The following DPYD variants were observed in gnomAD, a reference collection of about 807,000 sequenced individuals.
The protein encoded by DPYD is dihydropyrimidine dehydrogenase.
A neutral mutation model predicts 116.2 loss-of-function variants in DPYD; 109 were observed. The ratio of observed to expected loss-of-function variants is 0.94; its 90% CI spans 0.80 to 1.10. The LOEUF (loss-of-function observed/expected upper bound fraction) is 1.10, where lower values mean the gene tolerates loss of function less well. DPYD is among the 50% of genes least tolerant of loss of function. The probability of loss-of-function intolerance (pLI) is 0.00; values close to 1 mark genes in which losing one functional copy is unlikely to be tolerated. For synonymous variants in DPYD, 440 were observed against 432.0 expected, an observed-to-expected ratio of 1.02 and a Z score of -0.23; for missense variants, 1,302 against 1,254.5, an observed-to-expected ratio of 1.04 and a Z score of -0.57.
In DPYD at chr1:97,305,389, C is replaced by T. The variant is rs377136032; in HGVS notation, c.2180-11G>A. 9.0e-5 allele frequency: 145 copies of T among 1,612,054 alleles called. No individual in the cohort carries two copies. In the African/African-American group the frequency reaches 1.9e-3, roughly 21 times the overall value. On this transcript the variant is annotated splice_polypyrimidine_tract_variant and intron_variant, in intron 17 of 22. Transcript: ENST00000370192. Reference sequence around the variant, plus strand: ...CGCCATTGGCACCACCTATGCAAGACACATCAACATTTTCATGCAGCTCTT... The same window carrying T: ...CGCCATTGGCACCACCTATGCAAGATACATCAACATTTTCATGCAGCTCTT...
chr1:97,140,975 C>CAAATGTAAG (rs1386962091), intron 20 of DPYD, among the ~76,000 whole-genome samples: 1 of 152,048 alleles, frequency 6.6e-6, no homozygotes, highest in Admixed American at 6.6e-5. Context: ...GACATGAAGC[C>CAAATGTAAG]AAATGTAAGT....
intron 1 of DPYD, among the ~76,000 whole-genome samples, chr1:97,885,425 T>G (rs1444017988): frequency 6.6e-6 from 1 of 152,072 alleles, no homozygotes; most frequent in Non-Finnish European, 1.5e-5. Flanking sequence ...ATATCTTAGC[T>G]GATTTTATAA....
intron 19 of DPYD, among the ~76,000 whole-genome samples, chr1:97,220,580 T>A (rs1253020486): frequency 1.3e-5 from 2 of 152,144 alleles, no homozygotes; most frequent in East Asian, 3.9e-4. Flanking sequence ...TGGGATATAG[T>A]GGGGCTCATT....
At chr1:97,134,506 AT>A in intron 20 of DPYD, among the ~76,000 whole-genome samples, 1 of 152,294 alleles carries the variant, frequency 6.6e-6, no homozygotes, top group Non-Finnish European at 1.5e-5. Flanking sequence ...AATAATAGTC[AT>A]GATTTCTTGC....
intron 2 of DPYD, among the ~76,000 whole-genome samples, chr1:97,874,936 T>G (rs1210511419): frequency 6.6e-6 from 1 of 151,948 alleles, no homozygotes; most frequent in Non-Finnish European, 1.5e-5. Flanking sequence ...TCAGATTAAC[T>G]ATAAAATGAA....
chr1:97,336,433 G>A, intron 16 of DPYD, among the ~76,000 whole-genome samples: 1 of 152,152 alleles, frequency 6.6e-6, no homozygotes, highest in East Asian at 1.9e-4. Flanking sequence ...ATGAATGGAT[G>A]TACTAACATA....
intron 20 of DPYD, among the ~76,000 whole-genome samples, chr1:97,102,388 C>CTA (rs1650759288): frequency 1.7e-5 from 1 of 58,740 alleles, no homozygotes; most frequent in Non-Finnish European, 3.5e-5. Flanking sequence ...GAATATATCA[C>CTA]TCAGTATCAT....
chr1:97,731,963 C>T (rs1663639740), intron 4 of DPYD, among the ~76,000 whole-genome samples: 1 of 151,884 alleles, frequency 6.6e-6, no homozygotes, highest in South Asian at 2.1e-4. Flanking sequence ...CTATACACAA[C>T]CACAAACAAT....
chr1:97,880,278 G>C (rs1672137910), intron 2 of DPYD, among the ~76,000 whole-genome samples: 1 of 151,758 alleles, frequency 6.6e-6, no homozygotes, highest in East Asian at 1.9e-4. Context: ...ATGTCAGTGA[G>C]GTAAGAAGAA....
chr1:97,791,989 CA>C (rs533412997), intron 3 of DPYD, among the ~76,000 whole-genome samples: 16 of 151,234 alleles, frequency 1.1e-4, no homozygotes, highest in South Asian at 2.1e-4. Flanking sequence ...AAACCAATTA[CA>C]AAAAAAAACT....
intron 14 of DPYD, among the ~76,000 whole-genome samples, chr1:97,417,324 T>C (rs564667133): frequency 6.6e-6 from 1 of 152,316 alleles, no homozygotes; most frequent in South Asian, 2.1e-4. Context: ...TCTATTGCTA[T>C]CTCTATCTCC....
intron 16 of DPYD, among the ~76,000 whole-genome samples, chr1:97,333,060 CTTTTT>C (rs10681575): frequency 1.5e-5 from 2 of 133,862 alleles, no homozygotes; most frequent in African/African-American, 5.6e-5. Flanking sequence ...ACTGCTAATT[CTTTTT>C]TTTTTTTTTT....
At chr1:97,227,924 A>G (rs2100720522) in intron 19 of DPYD, among the ~76,000 whole-genome samples, 1 of 152,174 alleles carries the variant, frequency 6.6e-6, no homozygotes, top group East Asian at 1.9e-4. Flanking sequence ...CAAAAATTTA[A>G]GCAAATGATG....
chr1:97,827,996 T>C (rs1386848277), intron 3 of DPYD, 118 bp downstream of exon 3: 3 of 1,010,792 alleles, frequency 3.0e-6, no homozygotes, highest in Non-Finnish European at 4.5e-6. Context: ...CACTGACAAA[T>C]TAATACCTTA....
At chr1:97,382,930 T>C (rs1672060011) in intron 14 of DPYD, among the ~76,000 whole-genome samples, 1 of 152,196 alleles carries the variant, frequency 6.6e-6, no homozygotes, top group African/African-American at 2.4e-5. Flanking sequence ...CTCACTATAG[T>C]ACACATAATA....
chr1:97,737,176 T>G (rs1016310531), intron 4 of DPYD, among the ~76,000 whole-genome samples: 1 of 150,824 alleles, frequency 6.6e-6, no homozygotes, highest in African/African-American at 2.5e-5. Flanking sequence ...ATAGAGGTTT[T>G]GTTTTGTTTT....
chr1:97,485,546 T>C (rs1025582609), intron 13 of DPYD, among the ~76,000 whole-genome samples: 37 of 152,188 alleles, frequency 2.4e-4, no homozygotes, highest in African/African-American at 8.7e-4. Context: ...TTCCATGTCA[T>C]TTAATATTTT....
chr1:97,815,861 G>A (rs1323830126), intron 3 of DPYD, among the ~76,000 whole-genome samples: 1 of 152,112 alleles, frequency 6.6e-6, no homozygotes, highest in African/African-American at 2.4e-5. Context: ...CTTTTGAAAA[G>A]ACTAGAGGAA....
chr1:97,421,272 T>A (rs934047196), intron 14 of DPYD, among the ~76,000 whole-genome samples: 11 of 152,148 alleles, frequency 7.2e-5, no homozygotes, highest in African/African-American at 2.7e-4. Context: ...ACACAAGTGG[T>A]CAAGAAATGT....
Sources: gnomAD v4.1 joint callset for allele counts (sites outside exome capture counted in the v4.1 genomes callset) on GRCh38, gnomAD v4.1.1 for gene constraint, MANE v1.5 for transcripts, NCBI Gene and HGNC (gene_info 2026-07-23, HGNC 2026-07-21) for gene names.